The following R3HDM2 variants were observed in gnomAD, a reference collection of about 807,000 sequenced individuals.
R3HDM2 encodes the protein R3H domain-containing protein 2.
In R3HDM2, 38 loss-of-function variants were observed where a neutral mutation model predicts 124.5. The observed-to-expected ratio is 0.31, with a 90% confidence interval of 0.24 to 0.40. The LOEUF is 0.40. Among genes scored for constraint, R3HDM2 ranks in the 10% least tolerant of loss-of-function variants. R3HDM2 has a pLI of 1.00. For missense variants in R3HDM2, 869 were observed against 1,236.9 expected, an observed-to-expected ratio of 0.70 and a Z score of 4.46; for synonymous variants, 391 against 448.0, an observed-to-expected ratio of 0.87 and a Z score of 1.61.
chr12:57,322,544 T>C (rs952650114), intron 2 of R3HDM2, among the ~76,000 whole-genome samples: 2 of 152,228 alleles, frequency 1.3e-5, no homozygotes, highest in Non-Finnish European at 2.9e-5. Flanking sequence ...CTAAGCAACC[T>C]GATCAAGGTT....
At chr12:57,330,216 T>C (rs1315089903) in intron 2 of R3HDM2, among the ~76,000 whole-genome samples, 2 of 152,028 alleles carry the variant, frequency 1.3e-5, no homozygotes, top group Non-Finnish European at 2.9e-5. Context: ...TCCACCTGGC[T>C]CAGCTTCCCA....
intron 2 of R3HDM2, among the ~76,000 whole-genome samples, chr12:57,394,809 A>G (rs1366204014): frequency 6.6e-6 from 1 of 152,218 alleles, no homozygotes; most frequent in East Asian, 1.9e-4. Context: ...TCTGTTATCT[A>G]TATTAATCAC....
At chr12:57,332,208 G>C (rs1369861894) in intron 2 of R3HDM2, among the ~76,000 whole-genome samples, 1 of 151,624 alleles carries the variant, frequency 6.6e-6, no homozygotes, top group Non-Finnish European at 1.5e-5. Context: ...CTAGGATTTT[G>C]AGACCAGCCT....
At chr12:57,307,355 G>A (rs2052867842) in intron 3 of R3HDM2, among the ~76,000 whole-genome samples, 1 of 151,904 alleles carries the variant, frequency 6.6e-6, no homozygotes, top group Non-Finnish European at 1.5e-5. Context: ...GTCTCACTCT[G>A]TCACCCAGGC....
At chr12:57,360,803 C>A (rs1283472395) in intron 2 of R3HDM2, among the ~76,000 whole-genome samples, 1 of 152,144 alleles carries the variant, frequency 6.6e-6, no homozygotes, top group Non-Finnish European at 1.5e-5. Context: ...CGCCTGTAAT[C>A]CCAGCATTTT....
In R3HDM2 at chr12:57,254,973, C is replaced by A. The variant is rs777878496; in HGVS notation, c.2773G>T (p.Gly925Trp). 68 of 1,614,024 alleles carry A rather than the reference C, an allele frequency of 4.2e-5. No individual in the cohort carries two copies. The highest frequency in any genetic ancestry group is 5.3e-5 in the Non-Finnish European group (63 of 1,180,010). Residue 925 changes from glycine to tryptophan, a missense_variant, in exon 24 of 24, where the codon GGG (glycine) becomes TGG (tryptophan). This residue lies in a region of R3HDM2 where 602 missense variants were observed against 789.2 expected (regional missense o/e 0.76). Coordinates refer to ENST00000402412, the MANE Select transcript of R3HDM2 (RefSeq NM_001394031.1). The part of the protein sequence containing the change: ...KDAQGLPGGG[G>W]GDNSGTAENG... ...TCAGCAGTCCCACTGTTGTCCCCCC[C>A]ACCCCCTCCAGGCAGCCCCTGAGCA... is the stretch of plus-strand genomic sequence containing the variant.
At chr12:57,315,455 G>A (rs886365716) in intron 2 of R3HDM2, among the ~76,000 whole-genome samples, 1 of 152,156 alleles carries the variant, frequency 6.6e-6, no homozygotes, top group Non-Finnish European at 1.5e-5. Flanking sequence ...AGGATTACAG[G>A]CCTCAGCCAC....
At chr12:57,421,269 A>G (rs1242501195) in intron 1 of R3HDM2, among the ~76,000 whole-genome samples, 1 of 140,846 alleles carries the variant, frequency 7.1e-6, no homozygotes, top group Non-Finnish European at 1.5e-5. Context: ...CTCCTGCCTC[A>G]GCCTCCCGAG....
chr12:57,336,257 T>C (rs1264876336), intron 2 of R3HDM2, among the ~76,000 whole-genome samples: 1 of 152,140 alleles, frequency 6.6e-6, no homozygotes, highest in African/African-American at 2.4e-5. Flanking sequence ...CTCAAAGAGC[T>C]AAAAGCAGAA....
intron 2 of R3HDM2, among the ~76,000 whole-genome samples, chr12:57,364,035 T>C (rs892799647): frequency 6.6e-6 from 1 of 152,190 alleles, no homozygotes; most frequent in Non-Finnish European, 1.5e-5. Context: ...ATTTTAATGT[T>C]ATCAGAATCA....
chr12:57,382,526 C>T (rs1320775646), intron 2 of R3HDM2, among the ~76,000 whole-genome samples: 4 of 131,466 alleles, frequency 3.0e-5, no homozygotes, highest in African/African-American at 5.8e-5. Context: ...GGATGAAAGG[C>T]GTGAGCCCAG....
intron 14 of R3HDM2, chr12:57,272,406 T>C (rs2043773432): frequency 1.4e-6 from 2 of 1,459,124 alleles, no homozygotes; most frequent in Non-Finnish European, 9.4e-7. Context: ...TACCTACAGA[T>C]ACAGGCCACA....
At chr12:57,423,448 T>C (rs567300322) in intron 1 of R3HDM2, among the ~76,000 whole-genome samples, 1 of 147,764 alleles carries the variant, frequency 6.8e-6, no homozygotes, top group East Asian at 2.1e-4. Flanking sequence ...AAGAGATCTG[T>C]TAAATTTTAC....
chr12:57,372,331 T>G (rs2063485086), intron 2 of R3HDM2, among the ~76,000 whole-genome samples: 1 of 152,068 alleles, frequency 6.6e-6, no homozygotes, highest in South Asian at 2.1e-4. Context: ...TGATAAATAA[T>G]TCAGGAAAAG....
intron 2 of R3HDM2, among the ~76,000 whole-genome samples, chr12:57,381,594 A>G (rs923755035): frequency 1.3e-5 from 2 of 152,068 alleles, no homozygotes; most frequent in Admixed American, 6.6e-5. Flanking sequence ...TCAAAAAGAT[A>G]AAATTCAGAT....
intron 2 of R3HDM2, among the ~76,000 whole-genome samples, chr12:57,364,952 CAAAAA>C (rs1214204891): frequency 4.3e-5 from 2 of 46,486 alleles, no homozygotes; most frequent in Admixed American, 2.5e-4. Context: ...GACTCCATCT[CAAAAA>C]AAAAAAAAAA....
rs1241575677 is a variant in R3HDM2 at position 57,254,922 on chromosome 12, C to A, written c.2824G>T (p.Ala942Ser). The change falls in exon 24 of 24, where the codon GCC becomes TCC. Residue 942 changes from alanine (A) to serine (S), a missense_variant. Physicochemically the swap from Ala to Ser is moderately conservative, Grantham distance 99. Transcript: ENST00000402412. ...AENGRHSDLAALYTIVAVFPS... is the reference protein window; with the variant it reads ...AENGRHSDLASLYTIVAVFPS... Reference sequence around the variant, plus strand: ...AACACAGCCACAATGGTGTACAAGGCAGCGAGGTCCGAGTGGCGGCCATTC... The same window carrying A: ...AACACAGCCACAATGGTGTACAAGGAAGCGAGGTCCGAGTGGCGGCCATTC... The A allele has an allele frequency of 6.2e-7, 1 of 1,614,138 alleles. No individual in the cohort carries two copies. The highest frequency in any genetic ancestry group is 8.5e-7 in the Non-Finnish European group (1 of 1,180,002).
In R3HDM2 at chr12:57,385,722, G is replaced by A. The variant is rs141443099; in HGVS notation, c.-36+10027C>T. 1.1e-3 allele frequency among the ~76,000 whole-genome samples: 166 copies of A among 152,078 alleles called. 1 individual carries two copies. Among genetic ancestry groups the A allele is most frequent in the African/African-American group, 3.8e-3 (159 of 41,524 alleles). ...AAAAAAAAAAGACTTAGTAACATATGAGATGTGTGTAATGACTGGGAGAGA... is the reference window on the plus strand; with the variant it reads ...AAAAAAAAAAGACTTAGTAACATATAAGATGTGTGTAATGACTGGGAGAGA... On this transcript the variant is annotated intron_variant, in intron 2 of 23. Transcript: ENST00000402412.
chr12:57,269,220 C>T, intron 16 of R3HDM2, 103 bp downstream of exon 16: 1 of 1,556,020 alleles, frequency 6.4e-7, no homozygotes. Context: ...CTAATCATTC[C>T]TGCCCCTAGA....
Sources: gnomAD v4.1 joint callset for allele counts (sites outside exome capture counted in the v4.1 genomes callset) on GRCh38, gnomAD v4.1.1 for gene constraint, gnomAD v4.1.1 regional missense constraint, MANE v1.5 for transcripts, NCBI Gene and HGNC (gene_info 2026-07-23, HGNC 2026-07-21) for gene names.